GNAQ: variants seen among roughly 807,000 people sequenced by gnomAD.
The protein encoded by GNAQ is guanine nucleotide-binding protein G(q) subunit alpha.
GNAQ carries 8 observed loss-of-function variants against 43.9 expected under a neutral mutation model. The observed-to-expected ratio is 0.18, with a 90% CI of 0.11 to 0.33. The LOEUF (loss-of-function observed/expected upper bound fraction) is 0.33. GNAQ is among the 10% of genes least tolerant of loss of function. The pLI is 1.00. For synonymous variants in GNAQ, 155 were observed against 170.7 expected (o/e 0.91, Z 0.71); for missense variants, 158 against 450.8 (o/e 0.35, Z 5.88).
intron 4 of GNAQ, among the ~76,000 whole-genome samples, chr9:77,795,899 A>G (rs1826650487): frequency 6.6e-6 from 1 of 152,256 alleles, no homozygotes; most frequent in Non-Finnish European, 1.5e-5. Flanking sequence ...AAGCCAGTGT[A>G]CAAAACGTGG....
At chr9:77,804,745 T>C (rs533161194) in intron 3 of GNAQ, among the ~76,000 whole-genome samples, 2 of 152,284 alleles carry the variant, frequency 1.3e-5, no homozygotes, top group East Asian at 1.9e-4. Flanking sequence ...GGGCCTCCTA[T>C]AGAGAGGCTG....
chr9:77,913,305 T>A (rs549940028), intron 2 of GNAQ, among the ~76,000 whole-genome samples: 152 of 149,866 alleles, frequency 1.0e-3, no homozygotes, highest in African/African-American at 3.2e-3. Context: ...TATATATATA[T>A]AATTATAACA....
At chr9:77,968,224 TAAAG>T (rs1254272635) in intron 1 of GNAQ, among the ~76,000 whole-genome samples, 1 of 152,152 alleles carries the variant, frequency 6.6e-6, no homozygotes, top group Non-Finnish European at 1.5e-5. Context: ...TTTTTAAAGA[TAAAG>T]AACTGAAACG....
At chr9:78,003,542 C>T (rs1823668384) in intron 1 of GNAQ, among the ~76,000 whole-genome samples, 1 of 152,168 alleles carries the variant, frequency 6.6e-6, no homozygotes, top group Admixed American at 6.5e-5. Flanking sequence ...CGGCCGGACA[C>T]AGTGGCTCAC....
intron 1 of GNAQ, among the ~76,000 whole-genome samples, chr9:77,950,066 T>C (rs558737504): frequency 6.6e-6 from 1 of 152,224 alleles, no homozygotes; most frequent in African/African-American, 2.4e-5. Context: ...CCCTGACTCT[T>C]CTCTTATCAA....
chr9:77,749,924 A>C lies in GNAQ; in HGVS notation c.736-21257T>G, dbSNP rs567497471. ...AAAATATTGTGTATATTTTTTTCATACATTGTAATTGTTCATATTCTGTAT... is the reference window on the plus strand; with the variant it reads ...AAAATATTGTGTATATTTTTTTCATCCATTGTAATTGTTCATATTCTGTAT... On this transcript the variant is annotated intron_variant, in intron 5 of 6. Coordinates refer to ENST00000286548, the MANE Select transcript of GNAQ (RefSeq NM_002072.5). Among the ~76,000 whole-genome samples the C allele has an allele frequency of 7.2e-4, 110 of 152,242 alleles. 1 individual carries two copies. The highest frequency in any genetic ancestry group is 2.6e-3 in the African/African-American group (106 of 41,522).
At chr9:77,927,910 G>T (rs924646667) in intron 1 of GNAQ, among the ~76,000 whole-genome samples, 1 of 152,098 alleles carries the variant, frequency 6.6e-6, no homozygotes, top group East Asian at 1.9e-4. Context: ...AAGACTCATG[G>T]AGCTGAATTA....
intron 1 of GNAQ, among the ~76,000 whole-genome samples, chr9:77,927,177 C>T (rs965529773): frequency 4.9e-4 from 74 of 152,282 alleles, no homozygotes; most frequent in African/African-American, 1.6e-3. Context: ...TCTGTATTTA[C>T]TCTATGTGTC....
intron 5 of GNAQ, among the ~76,000 whole-genome samples, chr9:77,763,096 A>G (rs1292618944): frequency 6.6e-6 from 1 of 150,472 alleles, no homozygotes; most frequent in East Asian, 2.0e-4. Flanking sequence ...AATGATCAAT[A>G]AAAATAAAAT....
At chr9:77,761,386 C>G (rs1826016804) in intron 5 of GNAQ, among the ~76,000 whole-genome samples, 1 of 140,426 alleles carries the variant, frequency 7.1e-6, no homozygotes, top group African/African-American at 2.7e-5. Flanking sequence ...CTCTGCCCGG[C>G]CGCCCCTACT....
At chr9:77,859,497 T>C (rs1827810372) in intron 2 of GNAQ, among the ~76,000 whole-genome samples, 1 of 152,202 alleles carries the variant, frequency 6.6e-6, no homozygotes, top group South Asian at 2.1e-4. Flanking sequence ...GTATGAAACC[T>C]GAAAATATGA....
At chr9:77,874,059 C>T (rs1402823722) in intron 2 of GNAQ, among the ~76,000 whole-genome samples, 4 of 148,680 alleles carry the variant, frequency 2.7e-5, no homozygotes, top group South Asian at 4.2e-4. Context: ...GAGCTGAGAT[C>T]GCACCATTGC....
intron 2 of GNAQ, among the ~76,000 whole-genome samples, chr9:77,880,036 T>C (rs1209295015): frequency 6.6e-6 from 1 of 152,188 alleles, no homozygotes; most frequent in African/African-American, 2.4e-5. Flanking sequence ...AAATCAATCA[T>C]CACATCAAGG....
intron 2 of GNAQ, among the ~76,000 whole-genome samples, chr9:77,821,346 G>A (rs1827109213): frequency 6.6e-6 from 1 of 151,964 alleles, no homozygotes. Context: ...TTGGGTAAAG[G>A]AAATACCCCT....
intron 2 of GNAQ, among the ~76,000 whole-genome samples, chr9:77,916,926 T>C (rs914325263): frequency 2.6e-5 from 4 of 152,196 alleles, no homozygotes; most frequent in African/African-American, 9.7e-5. Flanking sequence ...TACTTTGAAA[T>C]TGCCACAATA....
At chr9:77,838,469 T>A (rs1827430058) in intron 2 of GNAQ, among the ~76,000 whole-genome samples, 1 of 151,924 alleles carries the variant, frequency 6.6e-6, no homozygotes, top group Non-Finnish European at 1.5e-5. Flanking sequence ...ACGTTGTTGC[T>A]CACGTATTTT....
chr9:77,989,413 G>C (rs1253810189), intron 1 of GNAQ, among the ~76,000 whole-genome samples: 1 of 152,160 alleles, frequency 6.6e-6, no homozygotes, highest in Non-Finnish European at 1.5e-5. Flanking sequence ...AAATTCCCTA[G>C]TGACTGAGCT....
At position 77,720,838 on chromosome 9, in the gene GNAQ, G is replaced by A. The variant is rs1033886410; in HGVS notation, c.*485C>T. 4.3e-6 allele frequency: 1 copy of A among 233,732 alleles called. No individual in the cohort carries two copies. Among genetic ancestry groups the A allele is most frequent in the Non-Finnish European group, 8.5e-6 (1 of 118,200 alleles). 14.5% of individuals were successfully genotyped at this position (233,732 alleles called of 1,614,324 possible). On this transcript the variant is annotated 3_prime_UTR_variant, in exon 7 of 7. Transcript: ENST00000286548. ...AATTAAGCTGATGATGGCTTAAATCGAACGATGTGTCCTGACTGTATCATT... is the reference window on the plus strand; with the variant it reads ...AATTAAGCTGATGATGGCTTAAATCAAACGATGTGTCCTGACTGTATCATT...
chr9:77,862,585 G>C (rs146682006), intron 2 of GNAQ, among the ~76,000 whole-genome samples: 1 of 152,168 alleles, frequency 6.6e-6, no homozygotes, highest in Admixed American at 6.5e-5. Context: ...AGGACCCTGG[G>C]CCAGGCCCAT....
Sources: gnomAD v4.1 joint callset for allele counts (sites outside exome capture counted in the v4.1 genomes callset) on GRCh38, gnomAD v4.1.1 for gene constraint, MANE v1.5 for transcripts, NCBI Gene and HGNC (gene_info 2026-07-23, HGNC 2026-07-21) for gene names.